The following AKAP13 variants were observed in gnomAD, a reference collection of about 807,000 sequenced individuals.
The protein encoded by AKAP13 is A-kinase anchor protein 13.
Under a neutral mutation model 264.5 loss-of-function variants are expected in AKAP13, and 80 were observed. The ratio of observed to expected loss-of-function variants is 0.30; its 90% CI spans 0.25 to 0.36. The LOEUF is 0.36. Among genes scored for constraint, AKAP13 ranks in the 10% least tolerant of loss-of-function variants. The pLI, the probability that AKAP13 is intolerant of heterozygous loss-of-function variation, is 1.00. For missense variants in AKAP13, 3,712 were observed against 3,435.2 expected (o/e 1.08, Z -2.01); for synonymous variants, 1,380 against 1,250.2 (o/e 1.10, Z -2.19).
chr15:85,639,019 A>G (rs1188030886), intron 8 of AKAP13, among the ~76,000 whole-genome samples: 3 of 152,158 alleles, frequency 2.0e-5, no homozygotes, highest in Non-Finnish European at 4.4e-5. Flanking sequence ...TCAGCCTCCC[A>G]AAGTGTTGGG....
intron 1 of AKAP13, among the ~76,000 whole-genome samples, chr15:85,396,559 T>A (rs1258371036): frequency 6.6e-6 from 1 of 152,310 alleles, no homozygotes; most frequent in African/African-American, 2.4e-5. Context: ...TACTATAATA[T>A]GTTTGTCCTA....
intron 2 of AKAP13, among the ~76,000 whole-genome samples, chr15:85,488,786 G>T (rs567348396): frequency 1.2e-4 from 18 of 152,294 alleles, no homozygotes; most frequent in African/African-American, 4.3e-4. Flanking sequence ...ACTCTAGAAG[G>T]AACACAGCCC....
intron 8 of AKAP13, among the ~76,000 whole-genome samples, chr15:85,605,958 A>T (rs1236531239): frequency 6.6e-6 from 1 of 152,128 alleles, no homozygotes; most frequent in Non-Finnish European, 1.5e-5. Context: ...TCTAACTACT[A>T]GTACCATTTG....
At chr15:85,465,444 G>A (rs905195417) in intron 1 of AKAP13, among the ~76,000 whole-genome samples, 17 of 148,716 alleles carry the variant, frequency 1.1e-4, no homozygotes, top group African/African-American at 3.9e-4. Flanking sequence ...CTGGTGTGCC[G>A]CACCCATTAA....
At chr15:85,516,335 A>G (rs927705803) in intron 2 of AKAP13, among the ~76,000 whole-genome samples, 2 of 152,226 alleles carry the variant, frequency 1.3e-5, no homozygotes, top group Non-Finnish European at 2.9e-5. Context: ...AAGTTAAACA[A>G]CATACCCCAA....
In AKAP13 at chr15:85,730,530, G is replaced by A; in HGVS notation, c.7105G>A (p.Asp2369Asn). ...RELKEQLHQK[D>N]QKILLLLEEK... ...TCCTGCAGAACAACTTCACCAGAAGGACCAAAAAATCCTACTCTTGTTGGA... is the reference window on the plus strand; with the variant it reads ...TCCTGCAGAACAACTTCACCAGAAGAACCAAAAAATCCTACTCTTGTTGGA... The change falls in exon 30 of 37, where the codon GAC (aspartate) becomes AAC (asparagine). Residue 2369 changes from aspartate (D) to asparagine (N), a missense_variant. Physicochemically the swap from Asp to Asn is conservative, Grantham distance 23. Around this residue, in one of 3 missense-constraint regions of AKAP13, gnomAD observed 342 missense variants for 484.3 expected, o/e 0.71. Coordinates refer to ENST00000394518, the MANE Select transcript of AKAP13 (RefSeq NM_007200.5). 1 of 1,613,752 alleles carries A rather than the reference G, an allele frequency of 6.2e-7. No homozygotes were observed. The highest frequency in any genetic ancestry group is 8.5e-7 in the Non-Finnish European group (1 of 1,179,870).
chr15:85,743,887 G>A, intron 36 of AKAP13, 62 bp downstream of exon 36: 1 of 1,525,454 alleles, frequency 6.6e-7, no homozygotes, highest in Non-Finnish European at 8.8e-7. Flanking sequence ...AGAGAGGGTA[G>A]ATTTTAGTGG....
chr15:85,612,582 G>C (rs1411548444), intron 8 of AKAP13, among the ~76,000 whole-genome samples: 2 of 152,124 alleles, frequency 1.3e-5, no homozygotes, highest in Non-Finnish European at 2.9e-5. Context: ...AGCAGTTTGG[G>C]AGGCCGAGGC....
At chr15:85,465,198 T>C (rs1018447358) in intron 1 of AKAP13, among the ~76,000 whole-genome samples, 4 of 151,796 alleles carry the variant, frequency 2.6e-5, no homozygotes, top group East Asian at 1.9e-4. Context: ...GTGATCCGCC[T>C]GCCTCAGCCT....
At chr15:85,499,239 G>A (rs1596342464) in intron 2 of AKAP13, among the ~76,000 whole-genome samples, 1 of 152,298 alleles carries the variant, frequency 6.6e-6, no homozygotes, top group East Asian at 1.9e-4. Flanking sequence ...CTCTTTGTAA[G>A]AGATAGCAGT....
intron 8 of AKAP13, among the ~76,000 whole-genome samples, chr15:85,629,742 A>G (rs1164850583): frequency 6.8e-6 from 1 of 146,058 alleles, no homozygotes; most frequent in Non-Finnish European, 1.5e-5. Context: ...GAATCTAGAA[A>G]TATAATGAGT....
intron 14 of AKAP13, among the ~76,000 whole-genome samples, chr15:85,671,846 G>A (rs1415797518): frequency 6.6e-6 from 1 of 152,138 alleles, no homozygotes; most frequent in Non-Finnish European, 1.5e-5. Context: ...AGTGGATATT[G>A]TACTTCTACA....
intron 16 of AKAP13, among the ~76,000 whole-genome samples, chr15:85,686,953 TCAAA>T (rs2084968519): frequency 6.6e-6 from 1 of 152,228 alleles, no homozygotes; most frequent in South Asian, 2.1e-4. Flanking sequence ...AATCTTGTCT[TCAAA>T]CAAGCTTTTC....
chr15:85,607,893 G>A (rs1300704976), intron 8 of AKAP13, among the ~76,000 whole-genome samples: 1 of 152,204 alleles, frequency 6.6e-6, no homozygotes, highest in Non-Finnish European at 1.5e-5. Flanking sequence ...TTGAATATGA[G>A]TGAATGCCAA....
chr15:85,583,973 T>C (rs1457833315), intron 7 of AKAP13, among the ~76,000 whole-genome samples: 1 of 152,186 alleles, frequency 6.6e-6, no homozygotes, highest in Non-Finnish European at 1.5e-5. Flanking sequence ...GAACTCTGTA[T>C]TGATGGTCTC....
At chr15:85,561,094 G>A (rs906046985) in intron 5 of AKAP13, among the ~76,000 whole-genome samples, 4 of 132,080 alleles carry the variant, frequency 3.0e-5, no homozygotes, top group Non-Finnish European at 4.7e-5. Context: ...AGTTTGACTC[G>A]CCGCCCAGGC....
At chr15:85,596,291 C>T (rs1247374480) in intron 8 of AKAP13, among the ~76,000 whole-genome samples, 10 of 152,080 alleles carry the variant, frequency 6.6e-5, no homozygotes, top group African/African-American at 2.2e-4. Context: ...CATTAGTATT[C>T]ATATATATAT....
At chr15:85,555,459 C>T (rs1055475894) in intron 5 of AKAP13, 4 of 1,288,798 alleles carry the variant, frequency 3.1e-6, no homozygotes, top group Admixed American at 2.3e-5. Context: ...AGAGGATGGG[C>T]TTGCGATATT....
At chr15:85,741,783 C>A (rs1306949688) in intron 35 of AKAP13, among the ~76,000 whole-genome samples, 2 of 151,462 alleles carry the variant, frequency 1.3e-5, no homozygotes, top group African/African-American at 4.9e-5. Flanking sequence ...ATGGCTCACA[C>A]CTATAAATCC....
Sources: allele counts gnomAD v4.1 joint callset (sites outside exome capture counted in the v4.1 genomes callset), GRCh38; gene constraint gnomAD v4.1.1; regional missense constraint gnomAD v4.1.1; transcripts MANE v1.5; gene names NCBI Gene and HGNC (gene_info 2026-07-23, HGNC 2026-07-21).